ATP2B2: variants seen among roughly 807,000 people sequenced by gnomAD.
ATP2B2 encodes plasma membrane calcium-transporting ATPase 2.
In ATP2B2, 15 loss-of-function variants were observed where a neutral mutation model predicts 120.0. That is an observed-to-expected ratio of 0.12 (90% CI 0.08 to 0.19). The LOEUF (loss-of-function observed/expected upper bound fraction) is 0.19. ATP2B2 is among the 10% of genes least tolerant of loss of function. The pLI, the probability that ATP2B2 is intolerant of heterozygous loss-of-function variation, is 1.00. For synonymous variants in ATP2B2, 694 were observed against 700.3 expected, an observed-to-expected ratio of 0.99 and a Z score of 0.14; for missense variants, 1,045 against 1,719.8, an observed-to-expected ratio of 0.61 and a Z score of 6.94.
At chr3:10,607,357 C>T (rs184178167) in intron 2 of ATP2B2, among the ~76,000 whole-genome samples, 32 of 152,334 alleles carry the variant, frequency 2.1e-4, no homozygotes, top group Admixed American at 1.2e-3. Flanking sequence ...CCCAGACCTC[C>T]AGCCCTGGAC....
chr3:10,614,149 A>C (rs946572854), intron 2 of ATP2B2, among the ~76,000 whole-genome samples: 2 of 151,816 alleles, frequency 1.3e-5, no homozygotes, highest in African/African-American at 4.8e-5. Flanking sequence ...GCATTTGTTT[A>C]TTTGATTATT....
chr3:10,654,334 C>T (rs2070551683), intron 1 of ATP2B2, among the ~76,000 whole-genome samples: 1 of 152,070 alleles, frequency 6.6e-6, no homozygotes. Flanking sequence ...TCTTGTAACC[C>T]AGGGCCTACT....
intron 2 of ATP2B2, among the ~76,000 whole-genome samples, chr3:10,594,361 T>C (rs1157070028): frequency 6.6e-6 from 1 of 152,102 alleles, no homozygotes. Context: ...ACGTGGCACA[T>C]ATACACCATG....
intron 2 of ATP2B2, among the ~76,000 whole-genome samples, chr3:10,582,234 A>T (rs1310272560): frequency 6.6e-6 from 1 of 152,122 alleles, no homozygotes; most frequent in Non-Finnish European, 1.5e-5. Context: ...GTTGGCCAGA[A>T]TTGCTGCAGG....
chr3:10,506,587 G>A (rs770537541), upstream of ATP2B2, among the ~76,000 whole-genome samples: 4 of 152,270 alleles, frequency 2.6e-5, no homozygotes, highest in African/African-American at 7.2e-5. Context: ...GGAGGTCACC[G>A]GGGGCGAGGG....
At chr3:10,512,578 A>G (rs1014814356) in intron 3 of ATP2B2, among the ~76,000 whole-genome samples, 1 of 152,066 alleles carries the variant, frequency 6.6e-6, no homozygotes, top group Non-Finnish European at 1.5e-5. Context: ...TGATGAAGAA[A>G]CTGAGACTTA....
rs1490205054 is a variant in ATP2B2 at position 10,635,945 on chromosome 3, C to T, written c.-459-15984G>A. Among the ~76,000 whole-genome samples, 1 of 152,238 alleles carries T rather than the reference C, an allele frequency of 6.6e-6. No individual in the cohort carries two copies. Among genetic ancestry groups the T allele is most frequent in the Non-Finnish European group, 1.5e-5 (1 of 68,042 alleles). On this transcript the variant is annotated intron_variant, in intron 1 of 21. Coordinates refer to the ATP2B2 transcript ENST00000646379. This position sits in a 1 kb window ranked among gnomAD's most constrained non-coding sequence, Gnocchi z 4.3. ...GATGAGCCTCCAGGCAGAGGGCCCCCTGGACCTACCCAAATGGATGCCCAG... is the reference window on the plus strand; with the variant it reads ...GATGAGCCTCCAGGCAGAGGGCCCCTTGGACCTACCCAAATGGATGCCCAG...
At chr3:10,683,744 A>ATGTG (rs1559520007) in intron 1 of ATP2B2, among the ~76,000 whole-genome samples, 7 of 41,420 alleles carry the variant, frequency 1.7e-4, no homozygotes, top group African/African-American at 6.7e-4. Context: ...ATATGTGTAT[A>ATGTG]TATATGTGTG....
intron 2 of ATP2B2, among the ~76,000 whole-genome samples, chr3:10,588,596 C>A (rs145135222): frequency 6.6e-6 from 1 of 152,302 alleles, no homozygotes; most frequent in Non-Finnish European, 1.5e-5. Context: ...CCTGACTCCA[C>A]CAGTATCCAC....
Position 10,388,302 on chromosome 3 carries a change from T to A in ATP2B2, c.882A>T (p.Glu294Asp). 10 of 1,614,214 alleles carry A rather than the reference T, an allele frequency of 6.2e-6. No homozygotes were observed. The highest frequency in any genetic ancestry group is 4.2e-6 in the Non-Finnish European group (5 of 1,180,042). Reference protein sequence around the residue: ...IIFTLLGAGGEEEEKKDKKGV... With the variant: ...IIFTLLGAGGDEEEKKDKKGV... ...CTTTTTTGTCTTTCTTCTCTTCCTCTTCACCACCAGCCCCCAGGAGGGTAA... is the reference window on the plus strand; with the variant it reads ...CTTTTTTGTCTTTCTTCTCTTCCTCATCACCACCAGCCCCCAGGAGGGTAA... The change falls in exon 6 of 23, where the codon GAA becomes GAT. Residue 294 changes from glutamate (E) to aspartate (D), a missense_variant. This residue lies in a region of ATP2B2 where 145 missense variants were observed against 202.0 expected (regional missense o/e 0.72). Transcript: ENST00000360273.
intron 12 of ATP2B2, among the ~76,000 whole-genome samples, chr3:10,363,363 C>G (rs1057123411): frequency 6.6e-6 from 1 of 152,162 alleles, no homozygotes; most frequent in African/African-American, 2.4e-5. Context: ...TGGTATTGTT[C>G]CTGTTTTGAG....
In ATP2B2 at chr3:10,343,083, C is replaced by T; in HGVS notation, c.2704-118G>A. ...GCTGGAGGCTGGAGTCCGACCTGCCCCTTGGCTCCCCAGCAGGCATGGAGT... is the reference window on the plus strand; with the variant it reads ...GCTGGAGGCTGGAGTCCGACCTGCCTCTTGGCTCCCCAGCAGGCATGGAGT... On this transcript the variant is annotated intron_variant, in intron 18 of 22. Transcript: ENST00000360273. This position sits in a 1 kb window ranked among gnomAD's most constrained non-coding sequence, Gnocchi z 4.2. The T allele has an allele frequency of 1.0e-6, 1 of 1,004,810 alleles. No individual in the cohort carries two copies. Among genetic ancestry groups the T allele is most frequent in the South Asian group, 1.5e-5 (1 of 68,746 alleles). The allele number at this position is 1,004,810 out of a possible 1,614,324, so 62.2% of individuals were successfully genotyped here.
At chr3:10,647,980 T>A (rs937176604) in intron 1 of ATP2B2, among the ~76,000 whole-genome samples, 9 of 152,158 alleles carry the variant, frequency 5.9e-5, no homozygotes, top group African/African-American at 2.2e-4. Context: ...TCCCACGTAA[T>A]GCACCTGAAA....
chr3:10,655,072 TA>T (rs1166778777), intron 1 of ATP2B2, among the ~76,000 whole-genome samples: 4 of 152,142 alleles, frequency 2.6e-5, no homozygotes, highest in African/African-American at 7.2e-5. Context: ...AAGCAGGAAC[TA>T]GTCAATAAAA....
intron 1 of ATP2B2, among the ~76,000 whole-genome samples, chr3:10,702,671 C>A (rs1286150859): frequency 6.6e-6 from 1 of 152,190 alleles, no homozygotes; most frequent in African/African-American, 2.4e-5. Context: ...CTGCCCAGCA[C>A]AATCTTTGGT....
chr3:10,543,308 A>G (rs1276851853), intron 2 of ATP2B2, among the ~76,000 whole-genome samples: 4 of 152,230 alleles, frequency 2.6e-5, no homozygotes, highest in African/African-American at 4.8e-5. Flanking sequence ...GCTTGAATAC[A>G]CTGAGCTTGT....
At position 10,343,015 on chromosome 3, in the gene ATP2B2, T is replaced by C. The variant is rs1262924860; in HGVS notation, c.2704-50A>G. ...TCACCTGTGCGCCCACCTGCTGCTG[T>C]GAAGTGCTGGGCGGGCTCATGGTGT... On this transcript the variant is annotated intron_variant, in intron 18 of 22. Coordinates refer to ENST00000360273, the MANE Select transcript of ATP2B2 (RefSeq NM_001001331.4). This position sits in a 1 kb window ranked among gnomAD's most constrained non-coding sequence, Gnocchi z 4.2. 1.9e-6 allele frequency: 3 copies of C among 1,589,474 alleles called. No homozygotes were observed. Among genetic ancestry groups the C allele is most frequent in the Admixed American group, 1.7e-5 (1 of 59,906 alleles).
chr3:10,429,934 G>A (rs1190399568), intron 2 of ATP2B2, among the ~76,000 whole-genome samples: 1 of 152,204 alleles, frequency 6.6e-6, no homozygotes, highest in Non-Finnish European at 1.5e-5. Flanking sequence ...ATTCCCTTAA[G>A]CCAAAGCCTA....
At chr3:10,638,217 T>G (rs1321847529) in intron 1 of ATP2B2, among the ~76,000 whole-genome samples, 2 of 152,188 alleles carry the variant, frequency 1.3e-5, no homozygotes, top group East Asian at 3.8e-4. Context: ...TTAGCAACTA[T>G]GTAGGCAAAT....
Sources: allele counts gnomAD v4.1 joint callset (sites outside exome capture counted in the v4.1 genomes callset), GRCh38; gene constraint gnomAD v4.1.1; regional missense constraint gnomAD v4.1.1; non-coding constraint Gnocchi (gnomAD v3.1); transcripts MANE v1.5; gene names NCBI Gene and HGNC (gene_info 2026-07-23, HGNC 2026-07-21).